The following CMIP variants were observed in gnomAD, a reference collection of about 807,000 sequenced individuals.
CMIP encodes c-Maf inducing protein, also known as C-Maf-inducing protein.
In CMIP, 13 loss-of-function variants were observed where a neutral mutation model predicts 97.3. That is an observed-to-expected ratio of 0.13 (90% CI 0.09 to 0.21). The LOEUF (loss-of-function observed/expected upper bound fraction) is 0.21. CMIP is among the 10% of genes least tolerant of loss of function. The pLI is 1.00. For synonymous variants in CMIP, 538 were observed against 436.3 expected, an observed-to-expected ratio of 1.23 and a Z score of -2.91; for missense variants, 847 against 1,024.9, an observed-to-expected ratio of 0.83 and a Z score of 2.37.
intron 1 of CMIP, 41 bp from the exon 2 acceptor site, chr16:81,607,526 G>A (rs1182105008): frequency 6.2e-7 from 1 of 1,606,966 alleles, no homozygotes; most frequent in Non-Finnish European, 8.5e-7. Context: ...GCCTGCTACT[G>A]TAACCAATGC....
chr16:81,535,110 C>G (rs900256281), intron 1 of CMIP, among the ~76,000 whole-genome samples: 4 of 152,084 alleles, frequency 2.6e-5, no homozygotes, highest in African/African-American at 9.7e-5. Context: ...GCCACCATGC[C>G]CAGCTAATTT....
chr16:81,544,960 T>A (rs12931651), intron 1 of CMIP, among the ~76,000 whole-genome samples: 56,922 of 151,930 alleles, frequency 0.37, 12,454 homozygotes, highest in Non-Finnish European at 0.49. Flanking sequence ...GCTGCCAAAT[T>A]GGGGCCAGAC....
At chr16:81,611,144 T>G (rs754766061) in intron 2 of CMIP, among the ~76,000 whole-genome samples, 2 of 152,202 alleles carry the variant, frequency 1.3e-5, no homozygotes, top group Non-Finnish European at 2.9e-5. Context: ...CTCAGTCCCG[T>G]TAGCTACACC....
chr16:81,492,108 T>G (rs117802027), intron 1 of CMIP, among the ~76,000 whole-genome samples: 3 of 152,302 alleles, frequency 2.0e-5, no homozygotes, highest in Non-Finnish European at 4.4e-5. Context: ...GAAAGATCAT[T>G]TGGAAAAATT....
chr16:81,446,952 T>C (rs1024293400), intron 1 of CMIP, among the ~76,000 whole-genome samples: 1 of 151,272 alleles, frequency 6.6e-6, no homozygotes, highest in African/African-American at 2.4e-5. Context: ...GGCACGTTGG[T>C]GCAATATCTG....
intron 3 of CMIP, among the ~76,000 whole-genome samples, chr16:81,625,546 A>G (rs892835418): frequency 6.6e-6 from 1 of 152,254 alleles, no homozygotes; most frequent in Non-Finnish European, 1.5e-5. Context: ...GGCAAGGCCA[A>G]GAGCGTGTTC....
At chr16:81,476,040 AG>A in intron 1 of CMIP, 6 of 704,488 alleles carry the variant, frequency 8.5e-6, no homozygotes, top group South Asian at 8.3e-5. Context: ...AGTTGTCCAC[AG>A]TTAGCAATAG....
intron 1 of CMIP, among the ~76,000 whole-genome samples, chr16:81,465,354 G>A (rs989581425): frequency 6.6e-6 from 1 of 152,188 alleles, no homozygotes; most frequent in African/African-American, 2.4e-5. Flanking sequence ...AGGCCCTGCT[G>A]TGGAGGGAGG....
At chr16:81,491,711 G>A (rs537509983) in intron 1 of CMIP, among the ~76,000 whole-genome samples, 1 of 152,270 alleles carries the variant, frequency 6.6e-6, no homozygotes, top group South Asian at 2.1e-4. Context: ...ACGTGGATCT[G>A]GATCATTTGG....
chr16:81,450,105 G>A (rs1008008315), intron 1 of CMIP, among the ~76,000 whole-genome samples: 1 of 152,188 alleles, frequency 6.6e-6, no homozygotes, highest in Admixed American at 6.5e-5. Context: ...CATTTCTGGG[G>A]CACTGTCCTG....
intron 2 of CMIP, among the ~76,000 whole-genome samples, chr16:81,615,517 G>T (rs2091904012): frequency 6.9e-6 from 1 of 144,484 alleles, no homozygotes; most frequent in African/African-American, 2.6e-5. Flanking sequence ...CTGTGTGCAG[G>T]TGTATGTGTT....
chr16:81,634,517 A>G (rs752391315), intron 3 of CMIP, among the ~76,000 whole-genome samples: 17 of 152,258 alleles, frequency 1.1e-4, no homozygotes, highest in Non-Finnish European at 2.2e-4. Flanking sequence ...TGTGCAGGTC[A>G]CTTAGAATTC....
chr16:81,503,199 C>A (rs1455485549), intron 1 of CMIP, among the ~76,000 whole-genome samples: 1 of 152,202 alleles, frequency 6.6e-6, no homozygotes, highest in Non-Finnish European at 1.5e-5. Context: ...GGAGATCCCT[C>A]AGTCCCAGGG....
intron 10 of CMIP, among the ~76,000 whole-genome samples, chr16:81,683,756 C>CTTTTTTTTTTTTTTTTTT (rs71272426): frequency 1.2e-5 from 1 of 81,612 alleles, no homozygotes; most frequent in Non-Finnish European, 2.3e-5. Context: ...TTTTCTTTTT[C>CTTTTTTTTTTTTTTTTTT]TTTTTTTTTT....
intron 1 of CMIP, among the ~76,000 whole-genome samples, chr16:81,521,209 C>T (rs2090020037): frequency 1.3e-5 from 2 of 152,224 alleles, no homozygotes; most frequent in Non-Finnish European, 2.9e-5. Flanking sequence ...CCTTTCAGCC[C>T]CGAGGCCTTT....
intron 1 of CMIP, among the ~76,000 whole-genome samples, chr16:81,469,370 T>G (rs1300048256): frequency 6.6e-6 from 1 of 152,232 alleles, no homozygotes; most frequent in Admixed American, 6.5e-5. Context: ...GAGCTTTTGT[T>G]TTTCATCAGT....
intron 1 of CMIP, among the ~76,000 whole-genome samples, chr16:81,550,902 C>T (rs565211255): frequency 2.0e-4 from 30 of 148,432 alleles, no homozygotes; most frequent in Admixed American, 8.7e-4. Flanking sequence ...ACCCCAGTTC[C>T]GTCACATGCA....
intron 1 of CMIP, among the ~76,000 whole-genome samples, chr16:81,501,627 T>TTC (rs1555523733): frequency 1.5e-4 from 23 of 150,204 alleles, no homozygotes; most frequent in African/African-American, 5.6e-4. Flanking sequence ...TTTTTTTTTT[T>TTC]CTGAGACGGT....
At chr16:81,528,511 T>G (rs2090174180) in intron 1 of CMIP, among the ~76,000 whole-genome samples, 1 of 152,234 alleles carries the variant, frequency 6.6e-6, no homozygotes, top group Non-Finnish European at 1.5e-5. Flanking sequence ...GTAGAAGTTC[T>G]TACACTTTTT....
Sources: allele counts gnomAD v4.1 joint callset (sites outside exome capture counted in the v4.1 genomes callset), GRCh38; gene constraint gnomAD v4.1.1; transcripts MANE v1.5; gene names NCBI Gene and HGNC (gene_info 2026-07-23, HGNC 2026-07-21).